The following SALL1 variants were observed in gnomAD, a reference collection of about 807,000 sequenced individuals.
SALL1 encodes sal-like protein 1.
Under a neutral mutation model 73.1 loss-of-function variants are expected in SALL1, and 10 were observed. That is an observed-to-expected ratio of 0.14 (90% CI 0.08 to 0.23). The LOEUF (loss-of-function observed/expected upper bound fraction) is 0.23. Ranked by LOEUF, SALL1 falls within the 10% of genes least tolerant of loss-of-function variation. The pLI, the probability that SALL1 is intolerant of heterozygous loss-of-function variation, is 1.00. For synonymous variants in SALL1, 688 were observed against 689.8 expected (o/e 1.00, Z 0.04); for missense variants, 1,520 against 1,697.3 (o/e 0.90, Z 1.84).
chr16:51,150,079 G>T (rs1962574831), intron 1 of SALL1, among the ~76,000 whole-genome samples: 1 of 152,212 alleles, frequency 6.6e-6, no homozygotes, highest in African/African-American at 2.4e-5. Context: ...TTTGAGGCCG[G>T]TACCGTGAAA....
At position 51,141,843 on chromosome 16, in the gene SALL1, C is replaced by T; in HGVS notation, c.379G>A (p.Val127Met). Residue 127 changes from valine to methionine, a missense_variant, in exon 2 of 3, where the codon GTG (valine) becomes ATG (methionine). By Grantham distance (21) the Val-to-Met change is conservative. Coordinates refer to ENST00000251020, the MANE Select transcript of SALL1 (RefSeq NM_002968.3). The surrounding 1 kb of genome is among the most constrained non-coding windows in gnomAD (Gnocchi z 5.4). The part of the protein sequence containing the change: ...NGLDREESME[V>M]EAPVANKSGS... ...CTTTTGTTAGCAACCGGGGCCTCCA[C>T]CTCCATGGACTCTTCCCTGTCAAGT... 2 of 1,613,892 alleles carry T rather than the reference C, an allele frequency of 1.2e-6. No homozygotes were observed. Among genetic ancestry groups the T allele is most frequent in the South Asian group, 1.1e-5 (1 of 91,068 alleles).
rs769843217 is a variant in SALL1, at chr16:51,139,258, G to A, written c.2964C>T (p.Ile988=). The A allele has an allele frequency of 3.0e-5, 49 of 1,614,004 alleles. 2 individuals are homozygous for A. In the South Asian group the frequency reaches 5.4e-4, roughly 18 times the overall value. ...TACCCCGGTCTCTAAAAGGGAAGAG[G>A]ATCCCCAAAGAATCTTCTTTGATGA... The part of the protein sequence containing the change: ...EKIIKEDSLG[I]LFPFRDRGKF... The change falls in exon 2 of 3, where the codon ATC becomes ATT. Residue 988 remains isoleucine (I), a synonymous_variant. Coordinates refer to ENST00000251020, the MANE Select transcript of SALL1 (RefSeq NM_002968.3).
chr16:51,138,795 A>T lies in SALL1; in HGVS notation c.3427T>A (p.Phe1143Ile). Residue 1143 changes from phenylalanine to isoleucine, a missense_variant, in exon 2 of 3, where the codon TTC becomes ATC. Physicochemically the swap from Phe to Ile is conservative, Grantham distance 21. Coordinates refer to ENST00000251020, the MANE Select transcript of SALL1 (RefSeq NM_002968.3). The part of the protein sequence containing the change: ...QHYCNTCGKT[F>I]SSSSALQIHE... ...ATCTGCAGGGCACTCGATGAGGAGAAGGTTTTGCCACATGTGTTGCAGTAG... is the reference window on the plus strand; with the variant it reads ...ATCTGCAGGGCACTCGATGAGGAGATGGTTTTGCCACATGTGTTGCAGTAG... The T allele has an allele frequency of 6.2e-7, 1 of 1,614,174 alleles. No homozygotes were observed. Among genetic ancestry groups the T allele is most frequent in the Non-Finnish European group, 8.5e-7 (1 of 1,180,016 alleles).
rs1962421514 is a variant in SALL1, at chr16:51,141,248, C to A, written c.974G>T (p.Ser325Ile). 9 of 1,614,156 alleles carry A rather than the reference C, an allele frequency of 5.6e-6. No individual in the cohort carries two copies. The highest frequency in any genetic ancestry group is 7.6e-6 in the Non-Finnish European group (9 of 1,180,044). ...QLPPIQLPQS[S>I]SGNTIIPSNS... ...GGATGGAATGATGGTGTTGCCAGAA[C>A]TGCTCTGAGGTAGCTGGATTGGGGG... The change falls in exon 2 of 3, where the codon AGT (serine) becomes ATT (isoleucine). Residue 325 changes from serine (S) to isoleucine (I), a missense_variant. Physicochemically the swap from Ser to Ile is moderately radical, Grantham distance 142. Around this residue, in one of 7 missense-constraint regions of SALL1, gnomAD observed 540 missense variants for 567.5 expected, o/e 0.95. Transcript: ENST00000251020. The surrounding 1 kb of genome is among the most constrained non-coding windows in gnomAD (Gnocchi z 5.4).
At chr16:51,138,316 G>A (rs559881327) in intron 2 of SALL1, among the ~76,000 whole-genome samples, 1 of 152,230 alleles carries the variant, frequency 6.6e-6, no homozygotes, top group East Asian at 1.9e-4. Flanking sequence ...GATACGGGCA[G>A]CACACAGGCC....
upstream of SALL1, chr16:51,151,335 T>C (rs1042459513): frequency 1.1e-6 from 1 of 891,416 alleles, no homozygotes; most frequent in Non-Finnish European, 1.5e-6. Flanking sequence ...CGGCGGCGGC[T>C]CCCCCCGCCC....
upstream of SALL1, among the ~76,000 whole-genome samples, chr16:51,151,926 C>T (rs1962624512): frequency 6.6e-6 from 1 of 151,366 alleles, no homozygotes; most frequent in Admixed American, 6.6e-5. Context: ...AGTCCCGCGG[C>T]GGGATCAGGG....
chr16:51,137,515 G>A lies in SALL1; in HGVS notation c.3572C>T (p.Ala1191Val), dbSNP rs954427194. Reference protein sequence around the residue: ...MGTHMWNSTPARRGRRLSVDG... With the variant: ...MGTHMWNSTPVRRGRRLSVDG... ...CACAGAGAGCCGCCGACCCCGTCGT[G>A]CAGGGGTGCTATTCCACATGTGAGT... Residue 1191 changes from alanine (A) to valine (V), a missense_variant, in exon 3 of 3, where the codon GCA becomes GTA. Physicochemically the swap from Ala to Val is moderately conservative, Grantham distance 64 (BLOSUM62 0). Transcript: ENST00000251020. 6.2e-7 allele frequency: 1 copy of A among 1,613,900 alleles called. No individual in the cohort carries two copies.
intron 1 of SALL1, among the ~76,000 whole-genome samples, chr16:51,144,398 A>C (rs1316425380): frequency 6.6e-6 from 1 of 152,224 alleles, no homozygotes; most frequent in Non-Finnish European, 1.5e-5. Flanking sequence ...AGTGGAAAAT[A>C]CTTTTCAACC....
At chr16:51,150,535 G>A in intron 1 of SALL1, 1 of 985,964 alleles carries the variant, frequency 1.0e-6, no homozygotes, top group Non-Finnish European at 1.2e-6. Flanking sequence ...CGCAACCCCA[G>A]CGGGTCAGGC....
Position 51,136,425 on chromosome 16 carries a change from G to A in SALL1, c.*687C>T, listed in dbSNP as rs1246983324. 6.6e-6 allele frequency: 1 copy of A among 152,550 alleles called. No homozygotes were observed. Among genetic ancestry groups the A allele is most frequent in the East Asian group, 1.9e-4 (1 of 5,196 alleles). 9.4% of individuals were successfully genotyped at this position (152,550 alleles called of 1,614,324 possible). A position where few individuals can be genotyped will look rare whatever the true frequency, so the allele number is the denominator to read the frequency against. ...GTTTTCTTTTTCTCTAAAGAATTCT[G>A]CGTGCTTATTACTGTACAGAAACTT... On this transcript the variant is annotated 3_prime_UTR_variant, in exon 3 of 3. Coordinates refer to ENST00000251020, the MANE Select transcript of SALL1 (RefSeq NM_002968.3).
At chr16:51,151,911 G>T (rs1291549793), upstream of SALL1, among the ~76,000 whole-genome samples, 1 of 151,854 alleles carries the variant, frequency 6.6e-6, no homozygotes, top group African/African-American at 2.4e-5. Flanking sequence ...CCCGCGGGGG[G>T]AGGGAGTCCC....
At chr16:51,147,732 A>G (rs1477728009) in intron 1 of SALL1, among the ~76,000 whole-genome samples, 1 of 151,652 alleles carries the variant, frequency 6.6e-6, no homozygotes, top group Non-Finnish European at 1.5e-5. Flanking sequence ...TGGGCCATCC[A>G]TGTAGAAGTT....
chr16:51,152,321 G>A (rs1441446394), upstream of SALL1: 2 of 152,496 alleles, frequency 1.3e-5, no homozygotes, highest in Admixed American at 6.5e-5. Flanking sequence ...AGGACAATTA[G>A]GGCTGAAGTT....
Position 51,139,535 on chromosome 16 carries a change from T to C in SALL1, c.2687A>G (p.Asp896Gly), listed in dbSNP as rs1237767087. ...TGAGGATGAATCATTGGTCAGGACA[T>C]CCCCCTCGATGGACCCATTCTCCAC... The part of the protein sequence containing the change: ...KSVENGSIEG[D>G]VLTNDSSSVG... Residue 896 changes from aspartate to glycine, a missense_variant, in exon 2 of 3, where the codon GAT becomes GGT. Asp to Gly is a moderately conservative substitution (Grantham distance 94). Around this residue, in one of 7 missense-constraint regions of SALL1, gnomAD observed 266 missense variants for 275.1 expected, o/e 0.97. Coordinates refer to ENST00000251020, the MANE Select transcript of SALL1 (RefSeq NM_002968.3). 1 of 1,614,102 alleles carries C rather than the reference T, an allele frequency of 6.2e-7. No homozygotes were observed. The highest frequency in any genetic ancestry group is 8.5e-7 in the Non-Finnish European group (1 of 1,180,026).
At chr16:51,149,967 T>C (rs1962572685) in intron 1 of SALL1, 1 of 152,386 alleles carries the variant, frequency 6.6e-6, no homozygotes, top group Non-Finnish European at 1.5e-5. Context: ...AGATTGCTCC[T>C]TGTGCGTCCT....
Position 51,138,763 on chromosome 16 carries a change from C to T in SALL1, c.3459G>A (p.Glu1153=). The change falls in exon 2 of 3, where the codon GAG becomes GAA. Residue 1153 remains glutamate (E), a synonymous_variant. Transcript: ENST00000251020. The stretch of plus-strand genomic sequence containing the variant: ...AGGGTTTCTCTCCAGTGTGAGTTCT[C>T]TCGTGAATCTGCAGGGCACTCGATG... The part of the protein sequence containing the change: ...FSSSSALQIH[E]RTHTGEKPFA... The T allele has an allele frequency of 1.2e-6, 2 of 1,614,198 alleles. No homozygotes were observed. The highest frequency in any genetic ancestry group is 1.7e-6 in the Non-Finnish European group (2 of 1,180,026).
intron 2 of SALL1, among the ~76,000 whole-genome samples, chr16:51,137,923 A>T (rs1265836794): frequency 6.6e-6 from 1 of 152,176 alleles, no homozygotes; most frequent in Non-Finnish European, 1.5e-5. Flanking sequence ...TTGCAATGGT[A>T]AGTATTGTAT....
chr16:51,151,236 C>T lies in SALL1; in HGVS notation c.6G>A (p.Ser2=). The T allele has an allele frequency of 1.3e-6, 2 of 1,598,412 alleles. No homozygotes were observed. The highest frequency in any genetic ancestry group is 1.7e-6 in the Non-Finnish European group (2 of 1,173,652). M[S]RRKQAKPQHF... is the part of the protein sequence containing the mutation. ...GTTGAGGCTTCGCTTGCTTCCTCCGCGACATGCTGGCTCAAACATCAGCTG... is the reference window on the plus strand; with the variant it reads ...GTTGAGGCTTCGCTTGCTTCCTCCGTGACATGCTGGCTCAAACATCAGCTG... Residue 2 remains serine, a synonymous_variant, in exon 1 of 3, where the codon TCG becomes TCA. Transcript: ENST00000251020.
Sources: allele counts gnomAD v4.1 joint callset (sites outside exome capture counted in the v4.1 genomes callset), GRCh38; gene constraint gnomAD v4.1.1; regional missense constraint gnomAD v4.1.1; non-coding constraint Gnocchi (gnomAD v3.1); transcripts MANE v1.5; gene names NCBI Gene and HGNC (gene_info 2026-07-23, HGNC 2026-07-21).